Variants in ASMT observed in about 807,000 individuals in gnomAD.
ASMT encodes the protein acetylserotonin O-methyltransferase, also known as acetylserotonin N-methyltransferase.
A neutral mutation model predicts 41.3 loss-of-function variants in ASMT; 53 were observed. The observed-to-expected ratio is 1.28, with a 90% CI of 1.03 to 1.61. The LOEUF (loss-of-function observed/expected upper bound fraction) is 1.61. Among genes scored for constraint, ASMT ranks in the 40% most tolerant of loss-of-function variants. The probability of loss-of-function intolerance (pLI) is 0.00; values close to 1 mark genes in which losing one functional copy is unlikely to be tolerated. For synonymous variants in ASMT, 231 were observed against 184.8 expected, an observed-to-expected ratio of 1.25 and a Z score of -2.03; for missense variants, 531 against 441.3, an observed-to-expected ratio of 1.20 and a Z score of -1.82.
chrX:1,622,844 A>G (rs1163334300), intron 1 of ASMT, among the ~76,000 whole-genome samples: 3 of 151,906 alleles, frequency 2.0e-5, no homozygotes, highest in African/African-American at 7.2e-5. Context: ...GCCGGGAGGC[A>G]GAGGTTGCAG....
At chrX:1,617,719 G>A (rs1157519648) in intron 1 of ASMT, among the ~76,000 whole-genome samples, 19 of 150,214 alleles carry the variant, frequency 1.3e-4, no homozygotes, top group East Asian at 8.2e-4. Flanking sequence ...GGGTTCAAGC[G>A]ATTCTCCTGC....
In ASMT at chrX:1,615,216, A is replaced by C; in HGVS notation, c.17A>C (p.Asp6Ala). The C allele has an allele frequency of 6.3e-7, 1 of 1,597,246 alleles. No homozygotes were observed. Among genetic ancestry groups the C allele is most frequent in the Non-Finnish European group, 8.5e-7 (1 of 1,172,126 alleles). Residue 6 changes from aspartate to alanine, a missense_variant, in exon 1 of 9, where the codon GAC (aspartate) becomes GCC (alanine). Asp to Ala is a moderately radical substitution (Grantham distance 126, BLOSUM62 -2). Coordinates refer to ENST00000381241, the MANE Select transcript of ASMT (RefSeq NM_001171038.2). The part of the protein sequence containing the change: MGSSE[D>A]QAYRLLNDYA... ...GGAGACAAGATGGGATCCTCAGAGGACCAGGCCTATCGCCTCCTTAATGAC... is the reference window on the plus strand; with the variant it reads ...GGAGACAAGATGGGATCCTCAGAGGCCCAGGCCTATCGCCTCCTTAATGAC...
chrX:1,620,452 G>C (rs1301937184), intron 1 of ASMT, among the ~76,000 whole-genome samples: 1 of 151,912 alleles, frequency 6.6e-6, no homozygotes. Context: ...ACAGGTGTGA[G>C]CCACTGCACC....
chrX:1,623,449 A>T (rs1934410753), intron 2 of ASMT, 136 bp downstream of exon 2: 5 of 1,145,924 alleles, frequency 4.4e-6, no homozygotes, highest in Non-Finnish European at 6.4e-6. Context: ...AATACAAAAA[A>T]TTAGCCGGGT....
rs549614004 is a variant in ASMT, at chrX:1,630,337, G to A, written c.562+398G>A. 7.1e-4 allele frequency among the ~76,000 whole-genome samples: 90 copies of A among 127,534 alleles called. No homozygotes were observed. The Middle Eastern group carries it at 0.016, about 23-fold the overall frequency. 83.7% of individuals were successfully genotyped at this position (127,534 alleles called of 152,430 possible). ...TTTTTTTTTTTTGAGATGAAGTGTC[G>A]CTCTGTCGCCCAGGCTGGAGTGCAG... is the stretch of plus-strand genomic sequence containing the variant. On this transcript the variant is annotated intron_variant, in intron 5 of 8. Transcript: ENST00000381241.
At chrX:1,630,969 G>A (rs1934753367) in intron 5 of ASMT, among the ~76,000 whole-genome samples, 1 of 144,184 alleles carries the variant, frequency 6.9e-6, no homozygotes, top group South Asian at 2.2e-4. Flanking sequence ...GGAATGCAGT[G>A]GTGCAATCTC....
chrX:1,616,174 A>C (rs184627208), intron 1 of ASMT, among the ~76,000 whole-genome samples: 1 of 143,928 alleles, frequency 6.9e-6, no homozygotes, highest in South Asian at 2.2e-4. Flanking sequence ...GATTACAGGC[A>C]CCCACCACCA....
chrX:1,641,336 G>C (rs1935147557), intron 8 of ASMT, among the ~76,000 whole-genome samples: 1 of 97,286 alleles, frequency 1.0e-5, no homozygotes, highest in Non-Finnish European at 2.2e-5. Context: ...TGATCCATTA[G>C]GATGTGGACA....
At position 1,617,612 on chromosome X, in the gene ASMT, G is replaced by T. The variant is rs1296398196; in HGVS notation, c.69+2344G>T. ...AGCAAGCCACCGGTTTTTTTTGTTT[G>T]TTTTTTTCCTTTTTTTTTTTCAGAC... On this transcript the variant is annotated intron_variant, in intron 1 of 8. Coordinates refer to ENST00000381241, the MANE Select transcript of ASMT (RefSeq NM_001171038.2). Among the ~76,000 whole-genome samples the T allele has an allele frequency of 7.3e-5, 11 of 150,706 alleles. 1 individual carries two copies. Among genetic ancestry groups the T allele is most frequent in the African/African-American group, 2.7e-4 (11 of 40,994 alleles).
chrX:1,620,927 CA>C (rs111600493), intron 1 of ASMT, among the ~76,000 whole-genome samples: 117 of 147,408 alleles, frequency 7.9e-4, no homozygotes, highest in Admixed American at 1.1e-3. Context: ...ATAAAGATAC[CA>C]AAAAAAAAAT....
chrX:1,624,142 C>G (rs1194592384), intron 2 of ASMT, 127 bp from the exon 3 acceptor site: 230 of 1,293,832 alleles, frequency 1.8e-4, no homozygotes, highest in Non-Finnish European at 2.3e-4. Context: ...AGAGGAAGAC[C>G]CCATCTCTAA....
Position 1,615,186 on chromosome X carries a change from G to T in ASMT, c.-14G>T. ...TCCAGAGGCTCCGGAAGCCACGGCT[G>T]GATTGGAGACAAGATGGGATCCTCA... On this transcript the variant is annotated 5_prime_UTR_variant, in exon 1 of 9. Coordinates refer to ENST00000381241, the MANE Select transcript of ASMT (RefSeq NM_001171038.2). The T allele has an allele frequency of 6.3e-7, 1 of 1,586,190 alleles. No homozygotes were observed. The highest frequency in any genetic ancestry group is 1.8e-5 in the Admixed American group (1 of 55,608).
intron 4 of ASMT, 155 bp downstream of exon 4, chrX:1,627,926 G>T: frequency 1.3e-6 from 1 of 767,322 alleles, no homozygotes; most frequent in Non-Finnish European, 2.3e-6. Flanking sequence ...TACTACCCCA[G>T]ATTTTGCTCA....
intron 1 of ASMT, among the ~76,000 whole-genome samples, chrX:1,616,080 G>A (rs750841471): frequency 1.4e-4 from 21 of 151,722 alleles, no homozygotes; most frequent in Non-Finnish European, 7.4e-5. Context: ...CCAGGCTGGA[G>A]TGCAGTGGCA....
chrX:1,635,186 G>A (rs1460657294), intron 7 of ASMT, among the ~76,000 whole-genome samples: 15 of 143,154 alleles, frequency 1.0e-4, no homozygotes, highest in African/African-American at 1.6e-4. Context: ...GGGTTTCACC[G>A]TGTTAGCCAG....
chrX:1,642,783 C>T lies in ASMT; in HGVS notation c.911-20C>T. 6.2e-7 allele frequency: 1 copy of T among 1,607,408 alleles called. No individual in the cohort carries two copies. The highest frequency in any genetic ancestry group is 8.5e-7 in the Non-Finnish European group (1 of 1,174,058). On this transcript the variant is annotated intron_variant, in intron 8 of 8. Transcript: ENST00000381241. ...TCTGTGTGTTTGTGTGTGATGTGGACTGTGCCCCTCCCTTTCTAGGTGGTG... is the reference window on the plus strand; with the variant it reads ...TCTGTGTGTTTGTGTGTGATGTGGATTGTGCCCCTCCCTTTCTAGGTGGTG...
chrX:1,633,291 G>T lies in ASMT; in HGVS notation c.787+1G>T, dbSNP rs750143579. On this transcript the variant is annotated splice_donor_variant, in intron 7 of 8. Transcript: ENST00000381241. LOFTEE classifies it high-confidence loss of function. ...GAAGAACAGATTGACTTCCAGGAAG[G>T]TGTGTTTGTGTCCGTGGGGAAGCAG... 4 of 1,613,898 alleles carry T rather than the reference G, an allele frequency of 2.5e-6. No homozygotes were observed. The highest frequency in any genetic ancestry group is 3.4e-6 in the Non-Finnish European group (4 of 1,179,856).
In ASMT at chrX:1,623,124, C is replaced by A. The variant is rs751562076; in HGVS notation, c.70-15C>A. Reference sequence around the variant, plus strand: ...AGGCTGAGCCCTGACCTTTTATTTCCGCTCCTGCTCCAAGGTTCTCTTCGC... The same window carrying A: ...AGGCTGAGCCCTGACCTTTTATTTCAGCTCCTGCTCCAAGGTTCTCTTCGC... On this transcript the variant is annotated splice_polypyrimidine_tract_variant and intron_variant, in intron 1 of 8. Transcript: ENST00000381241. The A allele has an allele frequency of 6.2e-7, 1 of 1,611,936 alleles. No homozygotes were observed. The highest frequency in any genetic ancestry group is 8.5e-7 in the Non-Finnish European group (1 of 1,179,788).
At chrX:1,636,774 C>T (rs1344067359) in intron 8 of ASMT, among the ~76,000 whole-genome samples, 1 of 152,218 alleles carries the variant, frequency 6.6e-6, no homozygotes, top group African/African-American at 2.4e-5. Context: ...AGTGAAAGGC[C>T]CTCTGAAACT....
Sources: gnomAD v4.1 joint callset for allele counts (sites outside exome capture counted in the v4.1 genomes callset) on GRCh38, gnomAD v4.1.1 for gene constraint, MANE v1.5 for transcripts, NCBI Gene and HGNC (gene_info 2026-07-23, HGNC 2026-07-21) for gene names.